Variants in TNKS observed in about 807,000 individuals in gnomAD.
The protein encoded by TNKS is tankyrase, also known as poly [ADP-ribose] polymerase tankyrase-1.
In TNKS, 72 loss-of-function variants were observed where a neutral mutation model predicts 135.8. That is an observed-to-expected ratio of 0.53 (90% confidence interval 0.44 to 0.64). The LOEUF (loss-of-function observed/expected upper bound fraction) is 0.64, where lower values mean the gene tolerates loss of function less well. TNKS is among the 30% of genes least tolerant of loss of function. The pLI is 0.00. For synonymous variants in TNKS, 849 were observed against 649.3 expected, an observed-to-expected ratio of 1.31 and a Z score of -4.68; for missense variants, 1,769 against 1,674.0, an observed-to-expected ratio of 1.06 and a Z score of -0.99.
chr8:9,707,888 G>C (rs115174883), intron 8 of TNKS, among the ~76,000 whole-genome samples: 2 of 152,172 alleles, frequency 1.3e-5, no homozygotes, highest in South Asian at 4.1e-4. Flanking sequence ...ATTACTTATG[G>C]TGTACTTATG....
chr8:9,757,751 G>T (rs1015248072), intron 20 of TNKS, among the ~76,000 whole-genome samples: 1 of 152,118 alleles, frequency 6.6e-6, no homozygotes, highest in African/African-American at 2.4e-5. Context: ...CAGTTATTTG[G>T]ACCAACTATG....
rs1808397702 is a variant in TNKS at position 9,780,139 on chromosome 8, G to T, written c.*3403G>T. The T allele has an allele frequency of 6.6e-6, 1 of 152,182 alleles. No homozygotes were observed. Among genetic ancestry groups the T allele is most frequent in the African/African-American group, 2.4e-5 (1 of 41,444 alleles). The allele number at this position is 152,182 out of a possible 1,614,324, so 9.4% of individuals were successfully genotyped here. On this transcript the variant is annotated 3_prime_UTR_variant, in exon 27 of 27. Coordinates refer to ENST00000310430, the MANE Select transcript of TNKS (RefSeq NM_003747.3). ...CATTAGAATGCAATAAGTTGTCTAG[G>T]TTTTTCTGTTTCAGTGTCTCTCCCA... is the stretch of plus-strand genomic sequence containing the variant.
In TNKS at chr8:9,763,233, G is replaced by A. The variant is rs1293224433; in HGVS notation, c.3361G>A (p.Val1121Met). Residue 1121 changes from valine to methionine, a missense_variant, in exon 22 of 27, where the codon GTG (valine) becomes ATG (methionine). By Grantham distance (21) the Val-to-Met change is conservative. This residue lies in a region of TNKS where 722 missense variants were observed against 688.9 expected (regional missense o/e 1.05). Transcript: ENST00000310430. ...TCCAGAAGATAAAGAATATCAGTCAGTGGAAGAAGAGGTAATATACATCAG... is the reference window on the plus strand; with the variant it reads ...TCCAGAAGATAAAGAATATCAGTCAATGGAAGAAGAGGTAATATACATCAG... Reference protein sequence around the residue: ...LAPEDKEYQSVEEEMQSTIRE... With the variant: ...LAPEDKEYQSMEEEMQSTIRE... 6.2e-7 allele frequency: 1 copy of A among 1,603,434 alleles called. No individual in the cohort carries two copies. The highest frequency in any genetic ancestry group is 1.7e-5 in the Admixed American group (1 of 59,832).
rs759467736 is a variant in TNKS, at chr8:9,593,950, G to A, written c.898+13567G>A. Among the ~76,000 whole-genome samples, 61 of 152,052 alleles carry A rather than the reference G, an allele frequency of 4.0e-4. 1 individual carries two copies. The highest frequency in any genetic ancestry group is 6.5e-4 in the Non-Finnish European group (44 of 67,954). On this transcript the variant is annotated intron_variant, in intron 2 of 26. Transcript: ENST00000310430. ...CACCCAGGCTGGAGTGCAATGGCAC[G>A]ATCTCAGCTCACTGGAACCTTTGCC...
chr8:9,720,298 A>ATAG, intron 11 of TNKS, 76 bp from the exon 12 acceptor site: 1 of 1,310,172 alleles, frequency 7.6e-7, no homozygotes, highest in Non-Finnish European at 1.0e-6. Flanking sequence ...TTTTTTCATA[A>ATAG]GAATGTATTT....
chr8:9,701,670 G>C (rs1211047229), intron 5 of TNKS, among the ~76,000 whole-genome samples: 1 of 152,316 alleles, frequency 6.6e-6, no homozygotes, highest in African/African-American at 2.4e-5. Flanking sequence ...AATTATCCCT[G>C]AGAGAGGGTA....
intron 2 of TNKS, among the ~76,000 whole-genome samples, chr8:9,594,019 T>TGG (rs1165676125): frequency 3.9e-5 from 6 of 152,114 alleles, no homozygotes; most frequent in Admixed American, 2.0e-4. Flanking sequence ...CCCGAATAGC[T>TGG]GGGACTGTAG....
intron 3 of TNKS, among the ~76,000 whole-genome samples, chr8:9,676,384 C>G (rs975671688): frequency 6.6e-6 from 1 of 152,088 alleles, no homozygotes; most frequent in Non-Finnish European, 1.5e-5. Flanking sequence ...CCATGCTATT[C>G]CATCTCAACA....
At position 9,766,422 on chromosome 8, in the gene TNKS, A is replaced by C. The variant is rs1807448977; in HGVS notation, c.3737A>C (p.His1246Pro). The C allele has an allele frequency of 6.3e-7, 1 of 1,581,418 alleles. No homozygotes were observed. Among genetic ancestry groups the C allele is most frequent in the Admixed American group, 1.7e-5 (1 of 57,588 alleles). ...THKDRSCYICHRQMLFCRVTL... is the reference protein window; with the variant it reads ...THKDRSCYICPRQMLFCRVTL... ...AAGGACAGGTCATGCTATATATGTC[A>C]CAGGTAAGCATCTTGCCATTAGTGT... is the stretch of plus-strand genomic sequence containing the variant. The change falls in exon 25 of 27, where the codon CAC becomes CCC. Residue 1246 changes from histidine (H) to proline (P), a missense_variant. Physicochemically the swap from His to Pro is moderately conservative, Grantham distance 77. Coordinates refer to ENST00000310430, the MANE Select transcript of TNKS (RefSeq NM_003747.3).
chr8:9,602,754 A>C (rs937330096), intron 2 of TNKS, among the ~76,000 whole-genome samples: 13 of 152,246 alleles, frequency 8.5e-5, no homozygotes, highest in Non-Finnish European at 1.6e-4. Flanking sequence ...AAGAAATGTG[A>C]TACCAACTTA....
At chr8:9,746,418 A>C (rs1806238382) in intron 17 of TNKS, among the ~76,000 whole-genome samples, 1 of 152,130 alleles carries the variant, frequency 6.6e-6, no homozygotes, top group African/African-American at 2.4e-5. Context: ...TGCTTGAGTG[A>C]ACCTGGTCTC....
At chr8:9,775,282 G>A (rs1300769170) in intron 26 of TNKS, among the ~76,000 whole-genome samples, 1 of 151,838 alleles carries the variant, frequency 6.6e-6, no homozygotes, top group East Asian at 1.9e-4. Flanking sequence ...GTGAGAAACT[G>A]TAATATTCTC....
intron 11 of TNKS, among the ~76,000 whole-genome samples, chr8:9,711,080 T>C (rs192391581): frequency 2.6e-5 from 4 of 152,216 alleles, no homozygotes; most frequent in Admixed American, 6.5e-5. Context: ...AAATTATAGA[T>C]TTTTTCATTC....
In TNKS at chr8:9,615,432, GTGCTTTTT is replaced by G. The variant is rs890453521; in HGVS notation, c.899-140_899-133del. 64 of 548,646 alleles carry G rather than the reference GTGCTTTTT, an allele frequency of 1.2e-4. 1 individual carries two copies. Among genetic ancestry groups the G allele is most frequent in the African/African-American group, 7.6e-4 (39 of 51,524 alleles). The allele number at this position is 548,646 out of a possible 1,614,324, so 34.0% of individuals were successfully genotyped here. A position where few individuals can be genotyped will look rare whatever the true frequency, so the allele number is the denominator to read the frequency against. On this transcript the variant is annotated intron_variant, in intron 2 of 26. Transcript: ENST00000310430. ...ACTCTAGAGAGGCTCCTTTGCTGCA[GTGCTTTTT>G]TGCTTTTTTTCTTTTTTTTTCTTGA...
At chr8:9,707,341 C>T (rs1309045060) in intron 8 of TNKS, among the ~76,000 whole-genome samples, 2 of 152,114 alleles carry the variant, frequency 1.3e-5, no homozygotes, top group Non-Finnish European at 2.9e-5. Flanking sequence ...TTAAAAAGCT[C>T]TGAGCTTCTG....
chr8:9,596,369 C>T (rs1173189261), intron 2 of TNKS, among the ~76,000 whole-genome samples: 17 of 146,776 alleles, frequency 1.2e-4, no homozygotes, highest in African/African-American at 4.2e-4. Context: ...GTAGGGAGTC[C>T]TTCTTACTTC....
chr8:9,590,545 A>T (rs1162283943), intron 2 of TNKS, among the ~76,000 whole-genome samples: 2 of 152,226 alleles, frequency 1.3e-5, no homozygotes, highest in Non-Finnish European at 2.9e-5. Flanking sequence ...AAACACAGGA[A>T]CCTACTCTGC....
At chr8:9,655,251 G>A (rs4263773) in intron 3 of TNKS, among the ~76,000 whole-genome samples, 22,710 of 152,134 alleles carry the variant, frequency 0.15, 1,903 homozygotes, top group Admixed American at 0.24. Context: ...CCGGAAACTC[G>A]AACTGGGTGG....
At chr8:9,582,022 G>A (rs1252238510) in intron 2 of TNKS, among the ~76,000 whole-genome samples, 2 of 152,140 alleles carry the variant, frequency 1.3e-5, no homozygotes, top group African/African-American at 2.4e-5. Flanking sequence ...TAAAAGTTGA[G>A]GGAAGGGGAA....
Sources: gnomAD v4.1 joint callset for allele counts (sites outside exome capture counted in the v4.1 genomes callset) on GRCh38, gnomAD v4.1.1 for gene constraint, gnomAD v4.1.1 regional missense constraint, MANE v1.5 for transcripts, NCBI Gene and HGNC (gene_info 2026-07-23, HGNC 2026-07-21) for gene names.